Variants in CCNE2 observed in about 807,000 individuals in gnomAD.
The protein encoded by CCNE2 is cyclin E2.
In CCNE2, 18 loss-of-function variants were observed where a neutral mutation model predicts 56.8. That is an observed-to-expected ratio of 0.32 (90% confidence interval 0.22 to 0.47). The LOEUF (loss-of-function observed/expected upper bound fraction) is 0.47. Ranked by LOEUF, CCNE2 falls within the 20% of genes least tolerant of loss-of-function variation. CCNE2 has a pLI of 1.00. For missense variants in CCNE2, 371 were observed against 467.1 expected, an observed-to-expected ratio of 0.79 and a Z score of 1.90; for synonymous variants, 139 against 149.2, an observed-to-expected ratio of 0.93 and a Z score of 0.50.
At chr8:94,894,361 G>A in intron 1 of CCNE2, 114 bp from the exon 2 acceptor site, 1 of 973,192 alleles carries the variant, frequency 1.0e-6, no homozygotes, top group Admixed American at 2.0e-5. Flanking sequence ...GGGGGCCTGG[G>A]CCCTGTGACC....
intron 9 of CCNE2, chr8:94,883,937 G>A (rs1816930546): frequency 2.2e-6 from 1 of 456,072 alleles, no homozygotes. Flanking sequence ...AATTGGAAGT[G>A]AAATATTACT....
chr8:94,883,146 C>G (rs766152252), intron 9 of CCNE2, among the ~76,000 whole-genome samples: 2 of 151,950 alleles, frequency 1.3e-5, no homozygotes, highest in African/African-American at 2.4e-5. Context: ...CTTGGTGGCA[C>G]GCGCCTGTAG....
chr8:94,881,866 GAA>G, intron 11 of CCNE2, 121 bp from the exon 12 acceptor site: 2 of 1,197,092 alleles, frequency 1.7e-6, no homozygotes, highest in Non-Finnish European at 2.3e-6. Flanking sequence ...TTGCAAGTGT[GAA>G]GGGTCATATT....
At chr8:94,890,727 G>A (rs1817209456) in intron 5 of CCNE2, among the ~76,000 whole-genome samples, 177 bp from the exon 6 acceptor site, 1 of 151,604 alleles carries the variant, frequency 6.6e-6, no homozygotes. Flanking sequence ...CAAGTAGCTG[G>A]GAGTTACAGG....
In CCNE2 at chr8:94,882,293, G is replaced by C; in HGVS notation, c.944-4C>G. 1 of 1,582,188 alleles carries C rather than the reference G, an allele frequency of 6.3e-7. No homozygotes were observed. Among genetic ancestry groups the C allele is most frequent in the Non-Finnish European group, 8.6e-7 (1 of 1,165,316 alleles). On this transcript the variant is annotated splice_polypyrimidine_tract_variant and splice_region_variant and intron_variant, in intron 10 of 11. Coordinates refer to ENST00000308108, the MANE Select transcript of CCNE2 (RefSeq NM_057749.3). ...GAAATACTGTCCCACTCCAAACCTA[G>C]ATAGATAGAAAAAAGTTAGAAAAGC...
At chr8:94,895,153 C>T in intron 1 of CCNE2, 24 bp downstream of exon 1, 2 of 985,006 alleles carry the variant, frequency 2.0e-6, no homozygotes, top group Non-Finnish European at 2.4e-6. Context: ...TCCCACATCC[C>T]CCCTACGCGC....
In CCNE2 at chr8:94,881,625, A is replaced by T. The variant is rs1563678028; in HGVS notation, c.*7T>A. 1 of 1,611,104 alleles carries T rather than the reference A, an allele frequency of 6.2e-7. No individual in the cohort carries two copies. The highest frequency in any genetic ancestry group is 1.3e-5 in the African/African-American group (1 of 74,592). Reference sequence around the variant, plus strand: ...TGAATTCCAACTTGTTTGCTTAGTTATCTTCTTTAGTGTTTTCCTGGTGGT... The same window carrying T: ...TGAATTCCAACTTGTTTGCTTAGTTTTCTTCTTTAGTGTTTTCCTGGTGGT... On this transcript the variant is annotated 3_prime_UTR_variant, in exon 12 of 12. Transcript: ENST00000308108.
rs368662456 is a variant in CCNE2 at position 94,890,588 on chromosome 8, TATA to T, written c.318-41_318-39del. ...AGGAAAAAAACCATATATATATATA[TATA>T]TTTTTTTTTTTTTTTTTTTGAGACA... is the stretch of plus-strand genomic sequence containing the variant. On this transcript the variant is annotated intron_variant, in intron 5 of 11. Coordinates refer to ENST00000308108, the MANE Select transcript of CCNE2 (RefSeq NM_057749.3). 57 of 559,316 alleles carry T rather than the reference TATA, an allele frequency of 1.0e-4. No homozygotes were observed. The South Asian group carries it at 1.1e-3, about 11-fold the overall frequency. The allele number at this position is 559,316 out of a possible 1,614,324, so 34.6% of individuals were successfully genotyped here.
In CCNE2 at chr8:94,881,028, C is replaced by A. The variant is rs75876478; in HGVS notation, c.*604G>T. On this transcript the variant is annotated 3_prime_UTR_variant, in exon 12 of 12. Coordinates refer to ENST00000308108, the MANE Select transcript of CCNE2 (RefSeq NM_057749.3). ...TTATTAGTTAAAAAATGTGTTATGG[C>A]AAGGCAAATAAACTAGTTTAAAAAA... is the stretch of plus-strand genomic sequence containing the variant. 5.5e-3 allele frequency: 2,176 copies of A among 398,468 alleles called. 48 individuals carry two copies. The highest frequency in any genetic ancestry group is 0.042 in the African/African-American group (2,031 of 48,684). The allele number at this position is 398,468 out of a possible 1,614,324, so 24.7% of individuals were successfully genotyped here. A position where few individuals can be genotyped will look rare whatever the true frequency, so the allele number is the denominator to read the frequency against.
In CCNE2 at chr8:94,882,247, A is replaced by G. The variant is rs1386365004; in HGVS notation, c.986T>C (p.Val329Ala). The G allele has an allele frequency of 6.2e-7, 1 of 1,609,586 alleles. No homozygotes were observed. Among genetic ancestry groups the G allele is most frequent in the African/African-American group, 1.3e-5 (1 of 74,852 alleles). Residue 329 changes from valine to alanine, a missense_variant, in exon 11 of 12, where the codon GTA (valine) becomes GCA (alanine). Coordinates refer to ENST00000308108, the MANE Select transcript of CCNE2 (RefSeq NM_057749.3). ...ACTTTTTACTACATTGACAAAAGGT[A>G]CCATCCAATCTACACATTCTGAAAT... Reference protein sequence around the residue: ...DSISECVDWMVPFVNVVKSTS... With the variant: ...DSISECVDWMAPFVNVVKSTS...
At chr8:94,888,170 C>G in intron 6 of CCNE2, 97 bp from the exon 7 acceptor site, 1 of 769,044 alleles carries the variant, frequency 1.3e-6, no homozygotes. Flanking sequence ...ATGTTTAAGC[C>G]AAACTGATAG....
In CCNE2 at chr8:94,894,202, T is replaced by C. The variant is rs1197121564; in HGVS notation, c.14+6A>G. 5 of 1,614,034 alleles carry C rather than the reference T, an allele frequency of 3.1e-6. No homozygotes were observed. In the South Asian group the frequency reaches 3.3e-5, roughly 11 times the overall value. On this transcript the variant is annotated splice_donor_region_variant and intron_variant, in intron 2 of 11. Transcript: ENST00000308108. ...TGAAACATGTCTCTAAGACAGATAA[T>C]GTTACCTTCGTCTTGACATTCTCTT...
Position 94,885,732 on chromosome 8 carries a change from T to C in CCNE2, c.601-174A>G, listed in dbSNP as rs560043075. Among the ~76,000 whole-genome samples the C allele has an allele frequency of 8.8e-5, 13 of 147,246 alleles. No individual in the cohort carries two copies. In the East Asian group the frequency reaches 1.8e-3, roughly 20 times the overall value. On this transcript the variant is annotated intron_variant, in intron 7 of 11. Coordinates refer to ENST00000308108, the MANE Select transcript of CCNE2 (RefSeq NM_057749.3). Reference sequence around the variant, plus strand: ...ACAAAAAGTACATTTTCTTTCTTTTTTTTTTTTTTTTTTTTTGAGGCAGAG... The same window carrying C: ...ACAAAAAGTACATTTTCTTTCTTTTCTTTTTTTTTTTTTTTTGAGGCAGAG...
At chr8:94,893,053 T>A in intron 4 of CCNE2, 84 bp from the exon 5 acceptor site, 2 of 1,086,046 alleles carry the variant, frequency 1.8e-6, no homozygotes, top group Non-Finnish European at 1.3e-6. Context: ...TGAAAGCTAA[T>A]ATGTCTAAAG....
Position 94,885,467 on chromosome 8 carries a change from A to G in CCNE2, c.692T>C (p.Leu231Ser). ...EDILRMELII[L>S]KALKWELCPV... is the part of the protein sequence containing the mutation. ...GGAAAACATAATTATTATTACCTTT[A>G]ATATAATGAGTTCCATCCTTAAGAT... is the stretch of plus-strand genomic sequence containing the variant. The change falls in exon 8 of 12, where the codon TTA becomes TCA. Residue 231 changes from leucine to serine, a missense_variant. Transcript: ENST00000308108. 6.4e-7 allele frequency: 1 copy of G among 1,556,180 alleles called. No homozygotes were observed. The highest frequency in any genetic ancestry group is 1.2e-5 in the South Asian group (1 of 86,252).
intron 9 of CCNE2, chr8:94,883,962 G>C (rs1194656817): frequency 5.7e-5 from 26 of 453,426 alleles, no homozygotes; most frequent in Non-Finnish European, 1.1e-4. Flanking sequence ...TATACCTCTA[G>C]AAAGTCCACA....
In CCNE2 at chr8:94,882,308, G is replaced by T. The variant is rs1816852459; in HGVS notation, c.944-19C>A. 6.4e-7 allele frequency: 1 copy of T among 1,565,638 alleles called. No individual in the cohort carries two copies. Among genetic ancestry groups the T allele is most frequent in the Non-Finnish European group, 8.7e-7 (1 of 1,155,836 alleles). On this transcript the variant is annotated intron_variant, in intron 10 of 11. Coordinates refer to ENST00000308108, the MANE Select transcript of CCNE2 (RefSeq NM_057749.3). Reference sequence around the variant, plus strand: ...TCCAAACCTAGATAGATAGAAAAAAGTTAGAAAAGCATGAAGGTTGTACAT... The same window carrying T: ...TCCAAACCTAGATAGATAGAAAAAATTTAGAAAAGCATGAAGGTTGTACAT...
In CCNE2 at chr8:94,880,885, C is replaced by A; in HGVS notation, c.*747G>T. ...GATATACAAAAAGGTTATTACCAAG[C>A]AACCTACATGTCAAGAAAGCCCCAG... On this transcript the variant is annotated 3_prime_UTR_variant, in exon 12 of 12. Coordinates refer to ENST00000308108, the MANE Select transcript of CCNE2 (RefSeq NM_057749.3). The A allele has an allele frequency of 2.5e-6, 1 of 398,726 alleles. No individual in the cohort carries two copies. Among genetic ancestry groups the A allele is most frequent in the East Asian group, 3.6e-5 (1 of 28,000 alleles). 24.7% of individuals were successfully genotyped at this position (398,726 alleles called of 1,614,324 possible). A position where few individuals can be genotyped will look rare whatever the true frequency, so the allele number is the denominator to read the frequency against.
chr8:94,895,062 G>T lies in CCNE2; in HGVS notation c.-27+115C>A. 3 of 477,502 alleles carry T rather than the reference G, an allele frequency of 6.3e-6. 1 individual carries two copies. The highest frequency in any genetic ancestry group is 4.2e-5 in the African/African-American group (2 of 47,670). 29.6% of individuals were successfully genotyped at this position (477,502 alleles called of 1,614,324 possible). A position where few individuals can be genotyped will look rare whatever the true frequency, so the allele number is the denominator to read the frequency against. On this transcript the variant is annotated intron_variant, in intron 1 of 11. Transcript: ENST00000308108. ...ACGCGGGAACCCATGACCCCCAGTC[G>T]TCTAGTTCTCAGCCCTCCCGATTTT...
Sources: gnomAD v4.1 joint callset for allele counts (sites outside exome capture counted in the v4.1 genomes callset) on GRCh38, gnomAD v4.1.1 for gene constraint, MANE v1.5 for transcripts, NCBI Gene and HGNC (gene_info 2026-07-23, HGNC 2026-07-21) for gene names.